The following TMPRSS3 variants were observed in gnomAD, a reference collection of about 807,000 sequenced individuals.
TMPRSS3 encodes the protein transmembrane serine protease 3, also known as transmembrane protease serine 3.
A neutral mutation model predicts 59.6 loss-of-function variants in TMPRSS3; 55 were observed. That is an observed-to-expected ratio of 0.92 (90% CI 0.74 to 1.16). The LOEUF (loss-of-function observed/expected upper bound fraction) is 1.16. Ranked by LOEUF, TMPRSS3 falls within the 50% of genes most tolerant of loss-of-function variation. The probability of loss-of-function intolerance (pLI) is 0.00; values close to 1 mark genes in which losing one functional copy is unlikely to be tolerated. For missense variants in TMPRSS3, 596 were observed against 579.4 expected, an observed-to-expected ratio of 1.03 and a Z score of -0.29; for synonymous variants, 257 against 237.7, an observed-to-expected ratio of 1.08 and a Z score of -0.75.
Position 42,383,166 on chromosome 21 carries a change from T to TG in TMPRSS3, c.648dup (p.Ile217HisfsTer45). ...AGCAAGGACATGTTTCCACCCACGA[T>TG]GCGTGAGCTGTAGCCCCTTCTATGA... is the stretch of plus-strand genomic sequence containing the variant. On this transcript the variant is annotated frameshift_variant, in exon 8 of 13. Coordinates refer to ENST00000644384, the MANE Select transcript of TMPRSS3 (RefSeq NM_001256317.3). LOFTEE classifies it high-confidence loss of function. The TG allele has an allele frequency of 1.9e-6, 3 of 1,614,082 alleles. No homozygotes were observed. The highest frequency in any genetic ancestry group is 2.5e-6 in the Non-Finnish European group (3 of 1,180,024).
rs1003139811 is a variant in TMPRSS3, at chr21:42,388,643, T to C, written c.323-117A>G. 2 of 1,454,750 alleles carry C rather than the reference T, an allele frequency of 1.4e-6. No homozygotes were observed. Among genetic ancestry groups the C allele is most frequent in the African/African-American group, 2.8e-5 (2 of 71,558 alleles). The allele number at this position is 1,454,750 out of a possible 1,614,324, so 90.1% of individuals were successfully genotyped here. A position where few individuals can be genotyped will look rare whatever the true frequency, so the allele number is the denominator to read the frequency against. On this transcript the variant is annotated intron_variant, in intron 4 of 12. Coordinates refer to ENST00000644384, the MANE Select transcript of TMPRSS3 (RefSeq NM_001256317.3). The surrounding 1 kb of genome is among the most constrained non-coding windows in gnomAD (Gnocchi z 5.1). ...CCTCTGCCAAATCTGACCCACTTCT[T>C]GTCCACGGCAGCCTCCCCATCACAG...
At chr21:42,391,468 G>A (rs1464809294) in intron 2 of TMPRSS3, among the ~76,000 whole-genome samples, 9 of 152,184 alleles carry the variant, frequency 5.9e-5, no homozygotes, top group Non-Finnish European at 1.2e-4. Flanking sequence ...TACAGATAGC[G>A]TCTCCCTCCA....
chr21:42,385,514 A>T lies in TMPRSS3; in HGVS notation c.467T>A (p.Leu156His). The change falls in exon 6 of 13, where the codon CTC (leucine) becomes CAC (histidine). Residue 156 changes from leucine (L) to histidine (H), a missense_variant. Physicochemically the swap from Leu to His is moderately conservative, Grantham distance 99 (BLOSUM62 -3). Transcript: ENST00000644384. ...GFPSYVSSDN[L>H]RVSSLEGQFR... Reference sequence around the variant, plus strand: ...CTGCCCCTCCAGCGAGCTCACTCTGAGGTTATCTGAACTCACATAGCTGCA... The same window carrying T: ...CTGCCCCTCCAGCGAGCTCACTCTGTGGTTATCTGAACTCACATAGCTGCA... The T allele has an allele frequency of 6.2e-7, 1 of 1,614,140 alleles. No individual in the cohort carries two copies. The highest frequency in any genetic ancestry group is 8.5e-7 in the Non-Finnish European group (1 of 1,180,010).
rs2146415461 is a variant in TMPRSS3 at position 42,372,775 on chromosome 21, T to C, written c.1349A>G (p.Asp450Gly). The stretch of plus-strand genomic sequence containing the variant: ...TCCCCTTCCTCTTCAGGTTTTTAGG[T>C]CTCTCTATAAATGAAAACAAAGGCG... Reference protein sequence around the residue: ...LDWIHEQMERDLKT With the variant: ...LDWIHEQMERGLKT The change falls in exon 13 of 13, where the codon GAC becomes GGC. Residue 450 changes from aspartate (D) to glycine (G), a missense_variant. Coordinates refer to ENST00000644384, the MANE Select transcript of TMPRSS3 (RefSeq NM_001256317.3). 2 of 1,613,944 alleles carry C rather than the reference T, an allele frequency of 1.2e-6. No homozygotes were observed. Among genetic ancestry groups the C allele is most frequent in the East Asian group, 2.2e-5 (1 of 44,874 alleles).
rs2052547148 is a variant in TMPRSS3 at position 42,382,254 on chromosome 21, A to C, written c.783-20T>G. 5 of 1,611,826 alleles carry C rather than the reference A, an allele frequency of 3.1e-6. No individual in the cohort carries two copies. In the African/African-American group the frequency reaches 4.0e-5, roughly 13 times the overall value. ...TACAAGCTGAAATGAGAAGAGCAAG[A>C]GGTGAAGCACAGGAAAAGTCCAACC... On this transcript the variant is annotated intron_variant, in intron 8 of 12. Coordinates refer to ENST00000644384, the MANE Select transcript of TMPRSS3 (RefSeq NM_001256317.3).
chr21:42,381,772 A>T lies in TMPRSS3; in HGVS notation c.952+293T>A, dbSNP rs189234874. ...CTGTAGGCCAGGATCTACAAACTAC[A>T]TTTAAACAGGGTAACATTGAAAATG... On this transcript the variant is annotated intron_variant, in intron 9 of 12. Coordinates refer to ENST00000644384, the MANE Select transcript of TMPRSS3 (RefSeq NM_001256317.3). The T allele has an allele frequency of 7.4e-6, 4 of 539,966 alleles. No individual in the cohort carries two copies. The East Asian group carries it at 1.3e-4, about 18-fold the overall frequency. 33.4% of individuals were successfully genotyped at this position (539,966 alleles called of 1,614,324 possible).
At chr21:42,372,876 T>C (rs1039901111) in intron 12 of TMPRSS3, 97 bp from the exon 13 acceptor site, 209 of 1,447,154 alleles carry the variant, frequency 1.4e-4, no homozygotes, top group Non-Finnish European at 2.0e-4. Flanking sequence ...CCTGTGGGAA[T>C]TGTGGGGCTG....
intron 9 of TMPRSS3, among the ~76,000 whole-genome samples, chr21:42,380,451 C>T (rs943474377): frequency 6.6e-6 from 1 of 152,124 alleles, no homozygotes; most frequent in Non-Finnish European, 1.5e-5. Flanking sequence ...GAACCTAGAC[C>T]AGGGTCAGCA....
chr21:42,383,894 A>G, intron 7 of TMPRSS3, 76 bp downstream of exon 7: 1 of 1,483,936 alleles, frequency 6.7e-7, no homozygotes, highest in African/African-American at 1.4e-5. Context: ...ATGGGGGGAG[A>G]GGACTCTGAG....
intron 7 of TMPRSS3, chr21:42,383,702 C>G (rs1439017788): frequency 3.0e-6 from 2 of 670,660 alleles, no homozygotes; most frequent in Non-Finnish European, 5.6e-6. Context: ...GGACTCAAGG[C>G]TCTTCAGAGT....
In TMPRSS3 at chr21:42,388,987, C is replaced by G. The variant is rs1233200337; in HGVS notation, c.264G>C (p.Leu88=). 2 of 1,614,182 alleles carry G rather than the reference C, an allele frequency of 1.2e-6. No individual in the cohort carries two copies. The highest frequency in any genetic ancestry group is 1.7e-6 in the Non-Finnish European group (2 of 1,180,000). Reference sequence around the variant, plus strand: ...CCGAGACTCCGTCACATCGAGCTATCAGCTCGATACACTTAAAGGATGAGC... The same window carrying G: ...CCGAGACTCCGTCACATCGAGCTATGAGCTCGATACACTTAAAGGATGAGC... The part of the protein sequence containing the change: ...RCRSSFKCIE[L]IARCDGVSDC... Residue 88 remains leucine (L), a synonymous_variant, in exon 4 of 13, where the codon CTG becomes CTC. Coordinates refer to ENST00000644384, the MANE Select transcript of TMPRSS3 (RefSeq NM_001256317.3). This position sits in a 1 kb window ranked among gnomAD's most constrained non-coding sequence, Gnocchi z 5.1.
In TMPRSS3 at chr21:42,389,042, TG is replaced by T. The variant is rs727503493; in HGVS notation, c.208del (p.His70ThrfsTer19). The stretch of plus-strand genomic sequence containing the variant: ...TCTGTACTTCCCTGAGCAGTCGAAG[TG>T]GACTGGGAAAAGGGAGGAAGGCAGG... ...ILALAIGLGI[H>X]FDCSGKYRCR... On this transcript the variant is annotated frameshift_variant and splice_region_variant, in exon 4 of 13. Transcript: ENST00000644384. LOFTEE classifies it high-confidence loss of function. 1,315 of 1,614,124 alleles carry T rather than the reference TG, an allele frequency of 8.1e-4. 1 individual carries two copies. The highest frequency in any genetic ancestry group is 1.0e-3 in the Non-Finnish European group (1,202 of 1,180,022).
At chr21:42,378,199 G>A (rs890140184) in intron 10 of TMPRSS3, among the ~76,000 whole-genome samples, 3 of 152,278 alleles carry the variant, frequency 2.0e-5, no homozygotes, top group African/African-American at 7.2e-5. Flanking sequence ...AGTGCCCTCG[G>A]CCAGGTGGGC....
At position 42,376,657 on chromosome 21, in the gene TMPRSS3, C is replaced by A; in HGVS notation, c.1075G>T (p.Ala359Ser). The A allele has an allele frequency of 6.2e-7, 1 of 1,614,030 alleles. No individual in the cohort carries two copies. Among genetic ancestry groups the A allele is most frequent in the Non-Finnish European group, 8.5e-7 (1 of 1,180,036 alleles). The change falls in exon 11 of 13, where the codon GCG becomes TCG. Residue 359 changes from alanine (A) to serine (S), a missense_variant. Ala to Ser is a moderately conservative substitution (Grantham distance 99, BLOSUM62 1). Transcript: ENST00000644384. ...TTGTTGGAAATCAAAGGGACGGCCGCGTGGTTCAGGACAGGGGAGGCGTCA... is the reference window on the plus strand; with the variant it reads ...TTGTTGGAAATCAAAGGGACGGCCGAGTGGTTCAGGACAGGGGAGGCGTCA... The part of the protein sequence containing the change: ...GGDASPVLNH[A>S]AVPLISNKIC...
chr21:42,383,635 C>A (rs1601524230), intron 7 of TMPRSS3: 1 of 553,012 alleles, frequency 1.8e-6, no homozygotes, highest in Non-Finnish European at 3.4e-6. Flanking sequence ...AGGGGCACTG[C>A]CCGAGGCCTG....
At chr21:42,383,550 C>T (rs767369933) in intron 7 of TMPRSS3, 50 of 508,676 alleles carry the variant, frequency 9.8e-5, no homozygotes, top group Middle Eastern at 5.3e-4. Context: ...CTCCTCACTG[C>T]CGCTGGTGCA....
chr21:42,391,069 G>A (rs1207993756), intron 2 of TMPRSS3, among the ~76,000 whole-genome samples: 1 of 152,208 alleles, frequency 6.6e-6, no homozygotes, highest in Non-Finnish European at 1.5e-5. Flanking sequence ...CACTAAGATG[G>A]AGGGGAAGTA....
At chr21:42,387,083 G>A (rs535630799) in intron 5 of TMPRSS3, among the ~76,000 whole-genome samples, 1 of 121,354 alleles carries the variant, frequency 8.2e-6, no homozygotes, top group East Asian at 2.5e-4. Flanking sequence ...AAGAGAGACG[G>A]GAAGGCTACC....
rs2052715666 is a variant in TMPRSS3, at chr21:42,390,354, G to A, written c.95-317C>T. On this transcript the variant is annotated intron_variant, in intron 2 of 12. Transcript: ENST00000644384. ...ATGGCATCTTATTTGGAGATGGCCT[G>A]GAGAGTCTTTACAGAGTCATCTAGT... is the stretch of plus-strand genomic sequence containing the variant. 3 of 370,694 alleles carry A rather than the reference G, an allele frequency of 8.1e-6. No individual in the cohort carries two copies. The Admixed American group carries it at 1.1e-4, about 14-fold the overall frequency. The allele number at this position is 370,694 out of a possible 1,614,324, so 23.0% of individuals were successfully genotyped here. A position where few individuals can be genotyped will look rare whatever the true frequency, so the allele number is the denominator to read the frequency against.
Sources: allele counts gnomAD v4.1 joint callset (sites outside exome capture counted in the v4.1 genomes callset), GRCh38; gene constraint gnomAD v4.1.1; non-coding constraint Gnocchi (gnomAD v3.1); transcripts MANE v1.5; gene names NCBI Gene and HGNC (gene_info 2026-07-23, HGNC 2026-07-21).